VRK3: variants seen among roughly 807,000 people sequenced by gnomAD.
VRK3 encodes the protein VRK serine/threonine kinase 3, also known as serine/threonine-protein kinase VRK3.
In VRK3, 50 loss-of-function variants were observed where a neutral mutation model predicts 60.4. The observed-to-expected ratio is 0.83, with a 90% CI of 0.66 to 1.05. The LOEUF is 1.05. Ranked by LOEUF, VRK3 falls within the 50% of genes least tolerant of loss-of-function variation. VRK3 has a pLI of 0.00. For missense variants in VRK3, 549 were observed against 585.3 expected, an observed-to-expected ratio of 0.94 and a Z score of 0.64; for synonymous variants, 246 against 227.8, an observed-to-expected ratio of 1.08 and a Z score of -0.72.
intron 11 of VRK3, 62 bp from the exon 12 acceptor site, chr19:49,988,554 AC>A (rs1463023547): frequency 3.8e-6 from 6 of 1,567,010 alleles, no homozygotes; most frequent in South Asian, 1.1e-5. Context: ...TGGTGGGTCC[AC>A]CCCCCTTCCT....
intron 4 of VRK3, 137 bp downstream of exon 4, chr19:50,009,099 G>T: frequency 9.6e-7 from 1 of 1,045,764 alleles, no homozygotes; most frequent in African/African-American, 1.6e-5. Flanking sequence ...GGGAGGCTGG[G>T]GAAGCTGCTG....
Position 49,992,907 on chromosome 19 carries a change from T to C in VRK3, c.916A>G (p.Asn306Asp). The change falls in exon 10 of 15, where the codon AAT becomes GAT. Residue 306 changes from asparagine (N) to aspartate (D), a missense_variant. Coordinates refer to ENST00000316763, the MANE Select transcript of VRK3 (RefSeq NM_016440.4). ...ACAAAGATATTTTCAGCTGTCACAT[T>C]TCCATGAACATACTCATTCTCATGG... ...FLHENEYVHGNVTAENIFVDP... is the reference protein window; with the variant it reads ...FLHENEYVHGDVTAENIFVDP... 6.2e-7 allele frequency: 1 copy of C among 1,613,896 alleles called. No homozygotes were observed. Among genetic ancestry groups the C allele is most frequent in the Non-Finnish European group, 8.5e-7 (1 of 1,180,032 alleles).
At chr19:49,982,130 C>T (rs770253311) in intron 12 of VRK3, 33 of 702,874 alleles carry the variant, frequency 4.7e-5, no homozygotes, top group Admixed American at 2.0e-4. Flanking sequence ...TGACGGTGAC[C>T]GAGCCTTGTT....
intron 2 of VRK3, among the ~76,000 whole-genome samples, chr19:50,016,450 G>A (rs751680334): frequency 3.9e-5 from 6 of 152,232 alleles, no homozygotes; most frequent in South Asian, 2.1e-4. Flanking sequence ...TCTCATGGCC[G>A]AGGCAGTTAG....
rs10404987 is a variant in VRK3 at position 49,997,659 on chromosome 19, A to G, written c.613-89T>C. The G allele has an allele frequency of 0.01, 15,075 of 1,450,576 alleles. 1,296 individuals carry two copies. The African/African-American group carries it at 0.18, about 18-fold the overall frequency. The allele number at this position is 1,450,576 out of a possible 1,614,324, so 89.9% of individuals were successfully genotyped here. A position where few individuals can be genotyped will look rare whatever the true frequency, so the allele number is the denominator to read the frequency against. On this transcript the variant is annotated intron_variant, in intron 6 of 14. Transcript: ENST00000316763. ...CCCACTGGCAATTTGTTACTCCCTC[A>G]ATGACCAGGCTCCTCATCAAGTCCC...
intron 7 of VRK3, among the ~76,000 whole-genome samples, chr19:49,996,269 C>A (rs534968261): frequency 3.3e-5 from 5 of 152,004 alleles, no homozygotes; most frequent in African/African-American, 9.7e-5. Context: ...GTTGGCCAGG[C>A]TGGTCTCGAA....
At chr19:50,010,601 G>A (rs1474302965) in intron 3 of VRK3, among the ~76,000 whole-genome samples, 4 of 152,226 alleles carry the variant, frequency 2.6e-5, no homozygotes, top group East Asian at 3.8e-4. Context: ...TGGTGAGAAC[G>A]TGAATTCTTG....
intron 9 of VRK3, among the ~76,000 whole-genome samples, chr19:49,993,202 T>C (rs2076642283): frequency 6.6e-6 from 1 of 152,214 alleles, no homozygotes; most frequent in South Asian, 2.1e-4. Flanking sequence ...ACTCCTGTAT[T>C]TCTCTCTTAG....
chr19:49,983,814 C>T (rs948366180), intron 12 of VRK3, among the ~76,000 whole-genome samples: 2 of 152,204 alleles, frequency 1.3e-5, no homozygotes, highest in Admixed American at 6.5e-5. Context: ...AGCAACATCG[C>T]CCCCTTGTGG....
At chr19:49,998,091 A>T (rs2076736709) in intron 6 of VRK3, 1 of 152,318 alleles carries the variant, frequency 6.6e-6, no homozygotes, top group Non-Finnish European at 1.5e-5. Flanking sequence ...TTGTTTATAA[A>T]ACCATCCTAT....
chr19:49,988,557 C>T (rs1269192803), intron 11 of VRK3, 65 bp from the exon 12 acceptor site: 2 of 1,563,926 alleles, frequency 1.3e-6, no homozygotes, highest in African/African-American at 1.4e-5. Context: ...TGGGTCCACC[C>T]CCCTTCCTTC....
At chr19:50,010,751 A>G (rs1481998396) in intron 3 of VRK3, among the ~76,000 whole-genome samples, 1 of 152,106 alleles carries the variant, frequency 6.6e-6, no homozygotes, top group Non-Finnish European at 1.5e-5. Context: ...CGTCCCTACT[A>G]AAAATATAAG....
chr19:49,992,644 G>A (rs2076630521), intron 10 of VRK3, among the ~76,000 whole-genome samples: 1 of 152,088 alleles, frequency 6.6e-6, no homozygotes, highest in Admixed American at 6.6e-5. Flanking sequence ...ATATTATTTA[G>A]CTAGCCTGTG....
At position 49,988,745 on chromosome 19, in the gene VRK3, T is replaced by C. The variant is rs371697917; in HGVS notation, c.1097-253A>G. Among the ~76,000 whole-genome samples, 42 of 152,328 alleles carry C rather than the reference T, an allele frequency of 2.8e-4. No homozygotes were observed. In the East Asian group the frequency reaches 7.5e-3, roughly 27 times the overall value. On this transcript the variant is annotated intron_variant, in intron 11 of 14. Coordinates refer to ENST00000316763, the MANE Select transcript of VRK3 (RefSeq NM_016440.4). ...CCCTCATCCACTCCTCTTTCATTCA[T>C]GCACTCATTCAATCAAGCCTCAGCA...
chr19:49,997,941 G>C (rs545376553), intron 6 of VRK3: 36 of 165,788 alleles, frequency 2.2e-4, no homozygotes, highest in Non-Finnish European at 4.3e-4. Flanking sequence ...TAGTGGGCTG[G>C]GACAGGCTCT....
intron 1 of VRK3, among the ~76,000 whole-genome samples, chr19:50,023,608 T>C (rs185388299): frequency 1.2e-4 from 18 of 152,344 alleles, no homozygotes; most frequent in South Asian, 6.2e-4. Context: ...CGGGGACTTT[T>C]CCCTGCCTTG....
At chr19:49,995,918 T>A (rs558002042) in intron 7 of VRK3, among the ~76,000 whole-genome samples, 5 of 152,072 alleles carry the variant, frequency 3.3e-5, no homozygotes, top group African/African-American at 7.2e-5. Flanking sequence ...CCAGCTAATT[T>A]TTTTTTATTT....
intron 2 of VRK3, among the ~76,000 whole-genome samples, chr19:50,017,714 A>G (rs2077101123): frequency 1.3e-5 from 2 of 152,118 alleles, no homozygotes; most frequent in Admixed American, 1.3e-4. Context: ...CTCTGTCACC[A>G]GGGAGGAATG....
chr19:49,981,086 G>A, intron 12 of VRK3, 73 bp from the exon 13 acceptor site: 1 of 1,152,782 alleles, frequency 8.7e-7, no homozygotes, highest in Non-Finnish European at 1.2e-6. Flanking sequence ...GAATGCCTAA[G>A]ATATATACAC....
Sources: allele counts gnomAD v4.1 joint callset (sites outside exome capture counted in the v4.1 genomes callset), GRCh38; gene constraint gnomAD v4.1.1; transcripts MANE v1.5; gene names NCBI Gene and HGNC (gene_info 2026-07-23, HGNC 2026-07-21).